The following ABCA12 variants were observed in gnomAD, a reference collection of about 807,000 sequenced individuals.
ABCA12 encodes the protein ATP binding cassette subfamily A member 12.
ABCA12 carries 156 observed loss-of-function variants against 293.5 expected under a neutral mutation model. That is an observed-to-expected ratio of 0.53 (90% confidence interval 0.47 to 0.61). The LOEUF is 0.61. Ranked by LOEUF, ABCA12 falls within the 20% of genes least tolerant of loss-of-function variation. ABCA12 has a pLI of 0.00. For synonymous variants in ABCA12, 1,063 were observed against 1,108.0 expected (o/e 0.96, Z 0.81); for missense variants, 2,797 against 3,090.2 (o/e 0.91, Z 2.25).
intron 31 of ABCA12, among the ~76,000 whole-genome samples, chr2:214,979,904 A>G (rs1174558321): frequency 6.6e-6 from 1 of 152,202 alleles, no homozygotes; most frequent in Non-Finnish European, 1.5e-5. Flanking sequence ...GTATTTTTAA[A>G]TCATATGTTC....
intron 49 of ABCA12, 102 bp from the exon 50 acceptor site, chr2:214,943,119 A>G: frequency 1.1e-6 from 1 of 877,720 alleles, no homozygotes; most frequent in Non-Finnish European, 1.8e-6. Flanking sequence ...ACTTGGAAAT[A>G]CTATTTTAGT....
intron 2 of ABCA12, among the ~76,000 whole-genome samples, chr2:215,070,486 C>A (rs1266107682): frequency 1.3e-5 from 2 of 150,664 alleles, no homozygotes; most frequent in South Asian, 4.2e-4. Flanking sequence ...CCCATTAACT[C>A]GTCAGTCATT....
At chr2:215,124,565 C>A (rs968360676) in intron 1 of ABCA12, among the ~76,000 whole-genome samples, 1 of 152,102 alleles carries the variant, frequency 6.6e-6, no homozygotes, top group African/African-American at 2.4e-5. Flanking sequence ...TAATGCTGAG[C>A]ATTTTTTCAT....
chr2:215,047,638 A>G (rs1701229175), intron 6 of ABCA12, among the ~76,000 whole-genome samples: 1 of 152,172 alleles, frequency 6.6e-6, no homozygotes, highest in Non-Finnish European at 1.5e-5. Flanking sequence ...TAAAAAATAT[A>G]CACCTTGCTT....
chr2:214,952,500 C>T (rs1698811503), intron 44 of ABCA12, among the ~76,000 whole-genome samples: 1 of 152,092 alleles, frequency 6.6e-6, no homozygotes, highest in Non-Finnish European at 1.5e-5. Context: ...GGATTACAGG[C>T]GTGAGCCACC....
At chr2:214,933,684 A>T (rs7578759) in intron 52 of ABCA12, among the ~76,000 whole-genome samples, 2 of 151,930 alleles carry the variant, frequency 1.3e-5, no homozygotes, top group African/African-American at 4.8e-5. Flanking sequence ...TAAAGGTCTG[A>T]CACCAAATTC....
chr2:214,947,095 A>G (rs1698605025), intron 48 of ABCA12, among the ~76,000 whole-genome samples: 1 of 152,186 alleles, frequency 6.6e-6, no homozygotes, highest in Non-Finnish European at 1.5e-5. Context: ...GGTGGGAATC[A>G]GATGCTACCA....
intron 2 of ABCA12, chr2:215,075,585 A>G (rs1395859191): frequency 2.9e-6 from 2 of 699,542 alleles, no homozygotes; most frequent in Non-Finnish European, 5.2e-6. Flanking sequence ...TGGGCCATCC[A>G]TCCATCACAA....
At chr2:214,989,761 C>T in intron 24 of ABCA12, 140 bp from the exon 25 acceptor site, 3 of 858,932 alleles carry the variant, frequency 3.5e-6, no homozygotes, top group Non-Finnish European at 5.4e-6. Context: ...AAAAATACAG[C>T]AGTCCCTTAC....
chr2:214,974,884 AAAC>A lies in ABCA12; in HGVS notation c.5382-23_5382-21del, dbSNP rs1332152468. ...TAATTACTGCAATATGAAAGGACAGAAACAAATTCATGATTTTTCTACTAGTCT... is the reference window on the plus strand; with the variant it reads ...TAATTACTGCAATATGAAAGGACAGAAAATTCATGATTTTTCTACTAGTCT... On this transcript the variant is annotated intron_variant, in intron 34 of 52. Transcript: ENST00000272895. 1 of 1,600,396 alleles carries A rather than the reference AAAC, an allele frequency of 6.2e-7. No homozygotes were observed. The highest frequency in any genetic ancestry group is 8.6e-7 in the Non-Finnish European group (1 of 1,167,714).
At chr2:215,105,913 C>T (rs1331977935) in intron 2 of ABCA12, among the ~76,000 whole-genome samples, 1 of 152,126 alleles carries the variant, frequency 6.6e-6, no homozygotes, top group Admixed American at 6.5e-5. Context: ...GAATTCTGAG[C>T]TCCTCAGAAC....
chr2:215,063,193 C>T (rs990395529), intron 3 of ABCA12, among the ~76,000 whole-genome samples: 22 of 151,846 alleles, frequency 1.4e-4, no homozygotes, highest in African/African-American at 5.3e-4. Flanking sequence ...CAGTTGCACT[C>T]TTAAAGTATC....
At chr2:215,124,700 ATTAGTAC>A (rs2105911635) in intron 1 of ABCA12, among the ~76,000 whole-genome samples, 1 of 152,206 alleles carries the variant, frequency 6.6e-6, no homozygotes, top group South Asian at 2.1e-4. Context: ...GATTCTGGAT[ATTAGTAC>A]TTTGTCAGAT....
In ABCA12 at chr2:215,111,703, G is replaced by A; in HGVS notation, c.70-13C>T. The stretch of plus-strand genomic sequence containing the variant: ...CAAGTGTCCAAAGCTGCAAAATAAT[G>A]GTAGAAAAAATTGTTAGTTTTATTG... On this transcript the variant is annotated splice_polypyrimidine_tract_variant and intron_variant, in intron 1 of 52. Coordinates refer to ENST00000272895, the MANE Select transcript of ABCA12 (RefSeq NM_173076.3). 6.2e-7 allele frequency: 1 copy of A among 1,600,166 alleles called. No individual in the cohort carries two copies. Among genetic ancestry groups the A allele is most frequent in the Non-Finnish European group, 8.6e-7 (1 of 1,168,748 alleles).
intron 9 of ABCA12, among the ~76,000 whole-genome samples, chr2:215,028,459 A>G (rs1700799237): frequency 6.6e-6 from 1 of 152,232 alleles, no homozygotes. Context: ...ATGCTTGTGC[A>G]TAGGCATTTC....
chr2:215,113,499 T>A lies in ABCA12; in HGVS notation c.70-1809A>T, dbSNP rs114238062. ...GTAGATCTGAGGTGGGGGCTGAGAT[T>A]CTGCATTTCTAAGAAGCTCCCAGGT... is the stretch of plus-strand genomic sequence containing the variant. On this transcript the variant is annotated intron_variant, in intron 1 of 52. Transcript: ENST00000272895. Among the ~76,000 whole-genome samples the A allele has an allele frequency of 4.5e-3, 685 of 152,312 alleles. 4 individuals carry two copies. Among genetic ancestry groups the A allele is most frequent in the Non-Finnish European group, 7.1e-3 (484 of 68,028 alleles).
intron 2 of ABCA12, among the ~76,000 whole-genome samples, chr2:215,107,038 G>T (rs1485656501): frequency 6.6e-6 from 1 of 152,154 alleles, no homozygotes; most frequent in African/African-American, 2.4e-5. Flanking sequence ...GATTTCCATT[G>T]TACTTTTAGA....
chr2:214,991,363 C>G (rs529772360), intron 23 of ABCA12, among the ~76,000 whole-genome samples: 5 of 152,228 alleles, frequency 3.3e-5, no homozygotes, highest in African/African-American at 1.2e-4. Flanking sequence ...TTTATGGTAT[C>G]CCCTGTAGAA....
intron 7 of ABCA12, among the ~76,000 whole-genome samples, chr2:215,043,191 C>T (rs950438619): frequency 3.9e-5 from 6 of 152,108 alleles, no homozygotes; most frequent in African/African-American, 1.4e-4. Context: ...TTTAAAAATA[C>T]ACGTGTTGGC....
Sources: gnomAD v4.1 joint callset for allele counts (sites outside exome capture counted in the v4.1 genomes callset) on GRCh38, gnomAD v4.1.1 for gene constraint, MANE v1.5 for transcripts, NCBI Gene and HGNC (gene_info 2026-07-23, HGNC 2026-07-21) for gene names.